ABTB2: variants seen among roughly 807,000 people sequenced by gnomAD.
ABTB2 encodes ankyrin repeat and BTB domain containing 2, also known as ankyrin repeat and BTB/POZ domain-containing protein 2.
ABTB2 carries 56 observed loss-of-function variants against 104.1 expected under a neutral mutation model. The observed-to-expected ratio is 0.54, with a 90% CI of 0.43 to 0.67. The LOEUF (loss-of-function observed/expected upper bound fraction) is 0.67, where lower values mean the gene tolerates loss of function less well. Among genes scored for constraint, ABTB2 ranks in the 30% least tolerant of loss-of-function variants. The probability of loss-of-function intolerance (pLI) is 0.00; values close to 1 mark genes in which losing one functional copy is unlikely to be tolerated. For missense variants in ABTB2, 1,279 were observed against 1,407.7 expected, an observed-to-expected ratio of 0.91 and a Z score of 1.46; for synonymous variants, 606 against 608.2, an observed-to-expected ratio of 1.00 and a Z score of 0.05.
At chr11:34,166,971 G>A (rs1852810132) in intron 7 of ABTB2, among the ~76,000 whole-genome samples, 1 of 152,260 alleles carries the variant, frequency 6.6e-6, no homozygotes, top group African/African-American at 2.4e-5. Context: ...AGCCCCCAGT[G>A]TGCCCGACAC....
intron 3 of ABTB2, chr11:34,189,080 A>G (rs1853139617): frequency 6.6e-6 from 1 of 152,234 alleles, no homozygotes; most frequent in Admixed American, 6.5e-5. Context: ...CAGAGGATGC[A>G]CTTCTTTTTC....
intron 1 of ABTB2, among the ~76,000 whole-genome samples, chr11:34,293,566 C>A (rs113467325): frequency 3.9e-5 from 6 of 152,100 alleles, no homozygotes; most frequent in African/African-American, 1.2e-4. Flanking sequence ...ATGCCCCAGG[C>A]GCCAAGTGCA....
At position 34,276,351 on chromosome 11, in the gene ABTB2, T is replaced by G. The variant is rs73497316; in HGVS notation, c.884-71661A>C. ...TGCCTTCCTTCTCCTCAAAACTTAA[T>G]CAGTTATTCTTGGCTACAAATAAAA... On this transcript the variant is annotated intron_variant, in intron 1 of 16. Transcript: ENST00000435224. 1.1e-3 allele frequency among the ~76,000 whole-genome samples: 169 copies of G among 152,322 alleles called. 1 individual carries two copies. The highest frequency in any genetic ancestry group is 3.9e-3 in the African/African-American group (163 of 41,556).
At chr11:34,297,380 C>T (rs912495030) in intron 1 of ABTB2, among the ~76,000 whole-genome samples, 3 of 152,248 alleles carry the variant, frequency 2.0e-5, no homozygotes, top group South Asian at 4.1e-4. Context: ...ATAGAATATC[C>T]GGAAACAAAA....
chr11:34,215,310 T>A (rs1259396535), intron 1 of ABTB2, among the ~76,000 whole-genome samples: 1 of 152,104 alleles, frequency 6.6e-6, no homozygotes, highest in Non-Finnish European at 1.5e-5. Context: ...GACCTCTCAG[T>A]GCCAGCTCAG....
At chr11:34,211,474 T>C (rs959929853) in intron 1 of ABTB2, among the ~76,000 whole-genome samples, 2 of 152,040 alleles carry the variant, frequency 1.3e-5, no homozygotes, top group South Asian at 2.1e-4. Flanking sequence ...CATGACATTC[T>C]AAGTTCAGAG....
At chr11:34,204,762 G>A in intron 1 of ABTB2, 72 bp from the exon 2 acceptor site, 2 of 1,521,558 alleles carry the variant, frequency 1.3e-6, no homozygotes, top group Non-Finnish European at 1.8e-6. Context: ...GCCTGCTGCA[G>A]GCAGGGCTCA....
At chr11:34,160,808 G>A in intron 11 of ABTB2, 95 bp downstream of exon 11, 3 of 1,368,576 alleles carry the variant, frequency 2.2e-6, no homozygotes, top group East Asian at 2.3e-5. Flanking sequence ...GGGGGTCCCT[G>A]TGTCTGTCCA....
intron 3 of ABTB2, among the ~76,000 whole-genome samples, chr11:34,196,526 C>G (rs1241258740): frequency 6.6e-6 from 1 of 152,138 alleles, no homozygotes; most frequent in Non-Finnish European, 1.5e-5. Flanking sequence ...TGCACTCCAG[C>G]CTGGGCAATA....
intron 3 of ABTB2, among the ~76,000 whole-genome samples, chr11:34,188,538 A>G (rs930960450): frequency 6.6e-6 from 1 of 152,210 alleles, no homozygotes; most frequent in Non-Finnish European, 1.5e-5. Context: ...TGGGGAATAC[A>G]CGGAAACAAG....
intron 1 of ABTB2, among the ~76,000 whole-genome samples, chr11:34,333,377 C>A (rs1020726176): frequency 6.6e-6 from 1 of 152,076 alleles, no homozygotes; most frequent in African/African-American, 2.4e-5. Context: ...CTTTATGCAT[C>A]CCAATCTATA....
At chr11:34,282,168 C>T (rs1213387989) in intron 1 of ABTB2, among the ~76,000 whole-genome samples, 1 of 152,104 alleles carries the variant, frequency 6.6e-6, no homozygotes, top group Non-Finnish European at 1.5e-5. Context: ...GTGGAAGAGC[C>T]GAAGCAGCTC....
intron 1 of ABTB2, among the ~76,000 whole-genome samples, chr11:34,282,805 T>A (rs1312059454): frequency 6.6e-6 from 1 of 152,164 alleles, no homozygotes; most frequent in Non-Finnish European, 1.5e-5. Context: ...ATGCTGGGAC[T>A]ACAAGCATGA....
intron 3 of ABTB2, among the ~76,000 whole-genome samples, chr11:34,176,988 G>A (rs1852967503): frequency 6.6e-6 from 1 of 152,228 alleles, no homozygotes. Context: ...TGGAAGGCAA[G>A]CTTACAGACA....
chr11:34,160,412 G>T, intron 11 of ABTB2, 59 bp from the exon 12 acceptor site: 2 of 1,231,448 alleles, frequency 1.6e-6, no homozygotes, highest in Non-Finnish European at 2.4e-6. Flanking sequence ...GTTCACAGAT[G>T]CAGATACGTC....
At position 34,252,747 on chromosome 11, in the gene ABTB2, AT is replaced by A. The variant is rs1718467684; in HGVS notation, c.884-48058del. 6.6e-6 allele frequency among the ~76,000 whole-genome samples: 1 copy of A among 152,112 alleles called. No individual in the cohort carries two copies. Among genetic ancestry groups the A allele is most frequent in the South Asian group, 2.1e-4 (1 of 4,792 alleles). Reference sequence around the variant, plus strand: ...CCACCTTCTACTCAAACATGTTTTTATAACGTGCAACCACCAGAGACCTCCC... The same window carrying A: ...CCACCTTCTACTCAAACATGTTTTTAAACGTGCAACCACCAGAGACCTCCC... On this transcript the variant is annotated intron_variant, in intron 1 of 16. Coordinates refer to ENST00000435224, the MANE Select transcript of ABTB2 (RefSeq NM_145804.3). This position sits in a 1 kb window ranked among gnomAD's most constrained non-coding sequence, Gnocchi z 5.5.
intron 3 of ABTB2, among the ~76,000 whole-genome samples, chr11:34,185,851 GA>G (rs1348264541): frequency 6.6e-6 from 1 of 152,238 alleles, no homozygotes; most frequent in Non-Finnish European, 1.5e-5. Flanking sequence ...AAGCACTGAT[GA>G]AGGTTTGAGG....
intron 1 of ABTB2, among the ~76,000 whole-genome samples, chr11:34,316,827 G>A (rs2133108382): frequency 6.6e-6 from 1 of 152,326 alleles, no homozygotes; most frequent in South Asian, 2.1e-4. Context: ...AAGGACCTGT[G>A]TGTGACCAAG....
Position 34,154,455 on chromosome 11 carries a change from C to A in ABTB2, c.2767-77G>T. 9.0e-7 allele frequency: 1 copy of A among 1,113,650 alleles called. No individual in the cohort carries two copies. Among genetic ancestry groups the A allele is most frequent in the South Asian group, 1.3e-5 (1 of 75,346 alleles). The allele number at this position is 1,113,650 out of a possible 1,614,324, so 69.0% of individuals were successfully genotyped here. A position where few individuals can be genotyped will look rare whatever the true frequency, so the allele number is the denominator to read the frequency against. On this transcript the variant is annotated intron_variant, in intron 15 of 16. Coordinates refer to ENST00000435224, the MANE Select transcript of ABTB2 (RefSeq NM_145804.3). The surrounding 1 kb of genome is among the most constrained non-coding windows in gnomAD (Gnocchi z 4.9). Reference sequence around the variant, plus strand: ...CAGACAGCACCGAACAGAAAGCTCCCGAGTGCCGTGTGCCCTGCTGCCTCC... The same window carrying A: ...CAGACAGCACCGAACAGAAAGCTCCAGAGTGCCGTGTGCCCTGCTGCCTCC...
Sources: allele counts gnomAD v4.1 joint callset (sites outside exome capture counted in the v4.1 genomes callset), GRCh38; gene constraint gnomAD v4.1.1; non-coding constraint Gnocchi (gnomAD v3.1); transcripts MANE v1.5; gene names NCBI Gene and HGNC (gene_info 2026-07-23, HGNC 2026-07-21).